Variants in PTPRO observed in about 807,000 individuals in gnomAD.
PTPRO encodes the protein receptor-type tyrosine-protein phosphatase O.
Under a neutral mutation model 145.2 loss-of-function variants are expected in PTPRO, and 62 were observed. The observed-to-expected ratio is 0.43, with a 90% CI of 0.35 to 0.53. The LOEUF is 0.53. PTPRO is among the 20% of genes least tolerant of loss of function. The pLI, the probability that PTPRO is intolerant of heterozygous loss-of-function variation, is 0.01. For missense variants in PTPRO, 1,345 were observed against 1,482.7 expected (o/e 0.91, Z 1.53); for synonymous variants, 565 against 514.7 (o/e 1.10, Z -1.32).
At position 15,322,672 on chromosome 12, in the gene PTPRO, C is replaced by G; in HGVS notation, c.-55C>G. On this transcript the variant is annotated 5_prime_UTR_variant, in exon 1 of 27. Coordinates refer to ENST00000281171, the MANE Select transcript of PTPRO (RefSeq NM_030667.3). This position sits in a 1 kb window ranked among gnomAD's most constrained non-coding sequence, Gnocchi z 6.3. ...AGCCCCAGTTCGCCATTGTGAGCCG[C>G]CGCCGGGGGAGTCCGCTAGCGCAGC... 1 of 1,501,522 alleles carries G rather than the reference C, an allele frequency of 6.7e-7. No homozygotes were observed. Among genetic ancestry groups the G allele is most frequent in the South Asian group, 1.2e-5 (1 of 84,344 alleles). The allele number at this position is 1,501,522 out of a possible 1,614,324, so 93.0% of individuals were successfully genotyped here.
At chr12:15,342,548 A>G (rs1350944593) in intron 1 of PTPRO, among the ~76,000 whole-genome samples, 1 of 152,204 alleles carries the variant, frequency 6.6e-6, no homozygotes, top group African/African-American at 2.4e-5. Context: ...AATAACTCCA[A>G]TTACAGTGCA....
intron 19 of PTPRO, among the ~76,000 whole-genome samples, chr12:15,576,342 A>T (rs1279901751): frequency 6.6e-6 from 1 of 152,242 alleles, no homozygotes; most frequent in Non-Finnish European, 1.5e-5. Flanking sequence ...ACTTCCACTT[A>T]CAGTGTTCAG....
chr12:15,388,733 C>T (rs945997827), intron 1 of PTPRO, among the ~76,000 whole-genome samples: 2 of 152,040 alleles, frequency 1.3e-5, no homozygotes, highest in African/African-American at 4.8e-5. Flanking sequence ...GTTTCAGAGG[C>T]GTAAAAAGAA....
intron 1 of PTPRO, among the ~76,000 whole-genome samples, chr12:15,374,137 A>G (rs1031011899): frequency 6.6e-6 from 1 of 152,202 alleles, no homozygotes; most frequent in Non-Finnish European, 1.5e-5. Flanking sequence ...TTAGAATGGC[A>G]CAGAAAAATT....
intron 17 of PTPRO, among the ~76,000 whole-genome samples, chr12:15,562,308 T>A (rs1943793705): frequency 6.6e-6 from 1 of 152,176 alleles, no homozygotes; most frequent in Non-Finnish European, 1.5e-5. Context: ...TATTTTCCCC[T>A]GCTTTCATTG....
intron 1 of PTPRO, among the ~76,000 whole-genome samples, chr12:15,451,583 C>A (rs942240146): frequency 6.6e-6 from 1 of 152,132 alleles, no homozygotes; most frequent in Non-Finnish European, 1.5e-5. Flanking sequence ...CAAGATAGAC[C>A]AGATGATAGG....
chr12:15,329,889 T>C (rs907940296), intron 1 of PTPRO, among the ~76,000 whole-genome samples: 17 of 152,174 alleles, frequency 1.1e-4, no homozygotes, highest in African/African-American at 3.6e-4. Context: ...TCCTGAAGCA[T>C]AGGTACGAGT....
intron 1 of PTPRO, among the ~76,000 whole-genome samples, chr12:15,413,039 C>T (rs537638686): frequency 9.9e-5 from 15 of 152,212 alleles, no homozygotes; most frequent in African/African-American, 3.4e-4. Flanking sequence ...GTGATCCACC[C>T]GCCTCAGCCT....
intron 1 of PTPRO, among the ~76,000 whole-genome samples, chr12:15,347,783 G>C (rs1867277900): frequency 6.6e-6 from 1 of 152,156 alleles, no homozygotes. Flanking sequence ...AAATTCATCT[G>C]GTCTATTTAG....
intron 19 of PTPRO, among the ~76,000 whole-genome samples, chr12:15,570,297 T>G (rs953407232): frequency 6.6e-6 from 1 of 152,022 alleles, no homozygotes; most frequent in Non-Finnish European, 1.5e-5. Flanking sequence ...AAGGGGAAGA[T>G]AAAGTGATTT....
rs1944667008 is a variant in PTPRO at position 15,596,704 on chromosome 12, T to C, written c.*631T>C. 2 of 152,358 alleles carry C rather than the reference T, an allele frequency of 1.3e-5. No individual in the cohort carries two copies. The highest frequency in any genetic ancestry group is 3.9e-4 in the East Asian group (2 of 5,188). 9.4% of individuals were successfully genotyped at this position (152,358 alleles called of 1,614,324 possible). ...ACAGATCAACTGTGTAATCTTTTAC[T>C]ATTCAAGCTATAATTCAGCTTCAAA... is the stretch of plus-strand genomic sequence containing the variant. On this transcript the variant is annotated 3_prime_UTR_variant, in exon 27 of 27. Transcript: ENST00000281171.
chr12:15,487,089 C>T (rs1941903873), intron 2 of PTPRO, among the ~76,000 whole-genome samples: 1 of 152,076 alleles, frequency 6.6e-6, no homozygotes, highest in Admixed American at 6.6e-5. Context: ...CACAGAAGAG[C>T]TCCCCCAGCA....
At chr12:15,555,847 CATA>C (rs1943607817) in intron 15 of PTPRO, among the ~76,000 whole-genome samples, 1 of 152,094 alleles carries the variant, frequency 6.6e-6, no homozygotes, top group African/African-American at 2.4e-5. Flanking sequence ...ATATGATAAT[CATA>C]ATATTTAAAA....
chr12:15,539,722 G>T (rs113371623), intron 12 of PTPRO, among the ~76,000 whole-genome samples: 2 of 128,546 alleles, frequency 1.6e-5, no homozygotes, highest in South Asian at 5.0e-4. Flanking sequence ...AGATTGCGCC[G>T]CTGCACTCCA....
At chr12:15,330,152 T>G (rs1383233170) in intron 1 of PTPRO, among the ~76,000 whole-genome samples, 2 of 152,176 alleles carry the variant, frequency 1.3e-5, no homozygotes, top group Non-Finnish European at 1.5e-5. Context: ...ATAGAGCGCT[T>G]TGCCTGCAAG....
intron 1 of PTPRO, among the ~76,000 whole-genome samples, chr12:15,333,467 T>C (rs544857691): frequency 6.6e-6 from 1 of 152,338 alleles, no homozygotes; most frequent in African/African-American, 2.4e-5. Flanking sequence ...CCTATGGTAA[T>C]GTCCAGTGAA....
At position 15,362,576 on chromosome 12, in the gene PTPRO, C is replaced by T. The variant is rs540409967; in HGVS notation, c.75+39775C>T. 3.3e-5 allele frequency among the ~76,000 whole-genome samples: 5 copies of T among 151,916 alleles called. No homozygotes were observed. In the South Asian group the frequency reaches 1.0e-3, roughly 32 times the overall value. ...ATACAATATTTACAGAAAATATTCT[C>T]CAGTTAATGTATCTTATTATTATAT... On this transcript the variant is annotated intron_variant, in intron 1 of 26. Coordinates refer to ENST00000281171, the MANE Select transcript of PTPRO (RefSeq NM_030667.3).
At chr12:15,387,688 C>G (rs1939068007) in intron 1 of PTPRO, among the ~76,000 whole-genome samples, 1 of 152,122 alleles carries the variant, frequency 6.6e-6, no homozygotes. Context: ...TAAAACATAA[C>G]CTGGTACTAT....
At chr12:15,364,076 A>G (rs1186837031) in intron 1 of PTPRO, among the ~76,000 whole-genome samples, 10 of 152,202 alleles carry the variant, frequency 6.6e-5, no homozygotes, top group Admixed American at 1.3e-4. Context: ...ACAAAGATTA[A>G]CAACTGACCA....
Sources: gnomAD v4.1 joint callset for allele counts (sites outside exome capture counted in the v4.1 genomes callset) on GRCh38, gnomAD v4.1.1 for gene constraint, Gnocchi (gnomAD v3.1) non-coding constraint, MANE v1.5 for transcripts, NCBI Gene and HGNC (gene_info 2026-07-23, HGNC 2026-07-21) for gene names.